Variants in CEP85 observed in about 807,000 individuals in gnomAD.
CEP85 encodes centrosomal protein 85, also known as centrosomal protein of 85 kDa.
CEP85 carries 58 observed loss-of-function variants against 93.7 expected under a neutral mutation model. The observed-to-expected ratio is 0.62, with a 90% CI of 0.50 to 0.77. The LOEUF (loss-of-function observed/expected upper bound fraction) is 0.77. Ranked by LOEUF, CEP85 falls within the 30% of genes least tolerant of loss-of-function variation. The probability of loss-of-function intolerance (pLI) is 0.00; values close to 1 mark genes in which losing one functional copy is unlikely to be tolerated. For synonymous variants in CEP85, 314 were observed against 338.6 expected (o/e 0.93, Z 0.80); for missense variants, 868 against 922.0 (o/e 0.94, Z 0.76).
At chr1:26,249,403 T>A (rs1322648439) in intron 3 of CEP85, among the ~76,000 whole-genome samples, 3 of 152,224 alleles carry the variant, frequency 2.0e-5, no homozygotes, top group Admixed American at 2.0e-4. Context: ...CTCTTACACA[T>A]TTTGTTCATG....
chr1:26,238,048 G>A (rs1013610068), intron 1 of CEP85, among the ~76,000 whole-genome samples: 1 of 150,978 alleles, frequency 6.6e-6, no homozygotes, highest in Non-Finnish European at 1.5e-5. Context: ...AATTAATAAG[G>A]GTTTGGGTTG....
chr1:26,240,762 G>T (rs893111912), intron 2 of CEP85, among the ~76,000 whole-genome samples: 7 of 152,134 alleles, frequency 4.6e-5, no homozygotes, highest in Non-Finnish European at 1.0e-4. Flanking sequence ...GGGTGCAGTG[G>T]CATGTGCCTA....
intron 7 of CEP85, among the ~76,000 whole-genome samples, chr1:26,265,066 C>G (rs2089873706): frequency 6.7e-6 from 1 of 150,142 alleles, no homozygotes; most frequent in Non-Finnish European, 1.5e-5. Flanking sequence ...CCACTGCAGC[C>G]TCCATCTCCC....
chr1:26,277,225 G>A lies in CEP85; in HGVS notation c.2218G>A (p.Glu740Lys), dbSNP rs1330951638. 6.2e-7 allele frequency: 1 copy of A among 1,614,048 alleles called. No homozygotes were observed. The highest frequency in any genetic ancestry group is 8.5e-7 in the Non-Finnish European group (1 of 1,179,998). The change falls in exon 14 of 14, where the codon GAG becomes AAG. Residue 740 changes from glutamate (E) to lysine (K), a missense_variant. Transcript: ENST00000451429. ...EEVQQLRRDI[E>K]DLRTTMSDRY... Reference sequence around the variant, plus strand: ...GGTTCAACAGCTGCGTCGTGACATTGAGGACTTAAGGACCACCATGTCAGA... The same window carrying A: ...GGTTCAACAGCTGCGTCGTGACATTAAGGACTTAAGGACCACCATGTCAGA...
chr1:26,255,981 T>A, intron 4 of CEP85, 116 bp downstream of exon 4: 1 of 894,644 alleles, frequency 1.1e-6, no homozygotes, highest in Non-Finnish European at 1.7e-6. Context: ...AAGGAAGATG[T>A]TTGTAGACAG....
At chr1:26,276,323 T>C (rs1191307497) in intron 12 of CEP85, among the ~76,000 whole-genome samples, 1 of 152,190 alleles carries the variant, frequency 6.6e-6, no homozygotes, top group Non-Finnish European at 1.5e-5. Context: ...TCTCCAGTGC[T>C]AGAGCCCTGT....
At chr1:26,276,240 G>A (rs1023271779) in intron 12 of CEP85, among the ~76,000 whole-genome samples, 9 of 152,290 alleles carry the variant, frequency 5.9e-5, no homozygotes, top group Admixed American at 2.0e-4. Flanking sequence ...TCCTAGGGGC[G>A]GGAGCATCTT....
chr1:26,238,816 T>C (rs959652782), intron 1 of CEP85, among the ~76,000 whole-genome samples: 1 of 152,254 alleles, frequency 6.6e-6, no homozygotes, highest in Admixed American at 6.5e-5. Flanking sequence ...CAAATCCACT[T>C]CTGCTGAATT....
chr1:26,267,667 A>G (rs1440255721), intron 7 of CEP85, among the ~76,000 whole-genome samples: 1 of 152,236 alleles, frequency 6.6e-6, no homozygotes, highest in African/African-American at 2.4e-5. Flanking sequence ...TTGTGGAATA[A>G]GAGCATGTAA....
intron 11 of CEP85, 111 bp from the exon 12 acceptor site, chr1:26,274,853 G>C (rs1000732938): frequency 1.3e-6 from 1 of 750,014 alleles, no homozygotes; most frequent in Admixed American, 2.6e-5. Flanking sequence ...TTTCTTATGA[G>C]GGTGTAGGTA....
intron 4 of CEP85, among the ~76,000 whole-genome samples, chr1:26,256,600 C>CTTTCT (rs1553159906): frequency 4.7e-5 from 6 of 127,130 alleles, no homozygotes; most frequent in Non-Finnish European, 5.1e-5. Flanking sequence ...TTTGTATTTT[C>CTTTCT]TTTTTTTTTT....
intron 7 of CEP85, among the ~76,000 whole-genome samples, chr1:26,262,080 G>T (rs1005246375): frequency 2.0e-5 from 3 of 152,108 alleles, no homozygotes; most frequent in African/African-American, 7.2e-5. Flanking sequence ...GGCTGAGGAG[G>T]GCAGATCACA....
At chr1:26,257,035 A>G (rs1017024357) in intron 4 of CEP85, among the ~76,000 whole-genome samples, 3 of 150,118 alleles carry the variant, frequency 2.0e-5, no homozygotes, top group African/African-American at 7.4e-5. Flanking sequence ...GGTTCAAGCA[A>G]TTTTCCTGCC....
chr1:26,243,250 C>T (rs2089456467), intron 2 of CEP85, among the ~76,000 whole-genome samples: 1 of 151,124 alleles, frequency 6.6e-6, no homozygotes, highest in Admixed American at 6.6e-5. Context: ...GACTGGACTG[C>T]TTGTTGCCCT....
At chr1:26,235,708 G>A (rs1397278173) in intron 1 of CEP85, among the ~76,000 whole-genome samples, 2 of 151,952 alleles carry the variant, frequency 1.3e-5, no homozygotes, top group African/African-American at 4.8e-5. Flanking sequence ...GAGTAGCTGG[G>A]ATTACAGGCA....
At chr1:26,234,522 C>A (rs1228651924) in intron 1 of CEP85, among the ~76,000 whole-genome samples, 1 of 152,252 alleles carries the variant, frequency 6.6e-6, no homozygotes, top group East Asian at 1.9e-4. Context: ...CTTTGCCGTC[C>A]GTGGTTCACC....
intron 10 of CEP85, 110 bp downstream of exon 10, chr1:26,271,217 A>T: frequency 1.6e-6 from 1 of 636,696 alleles, no homozygotes; most frequent in South Asian, 1.9e-5. Flanking sequence ...AGGATTTGTT[A>T]CCAAGAGCTT....
chr1:26,250,925 C>CCTTTT (rs2089598435), intron 3 of CEP85, among the ~76,000 whole-genome samples: 46 of 55,124 alleles, frequency 8.3e-4, no homozygotes, highest in African/African-American at 2.6e-3. Context: ...TTTTTTTTTT[C>CCTTTT]TTTTTTCTTT....
rs997525506 is a variant in CEP85, at chr1:26,261,018, T to A, written c.1341+1216T>A. ...GTTGGCCAGGCTGGTCTCGAACTCC[T>A]GACCTCAGGTGATCCACCCACCTCA... On this transcript the variant is annotated intron_variant, in intron 7 of 13. Transcript: ENST00000451429. 1.1e-4 allele frequency among the ~76,000 whole-genome samples: 16 copies of A among 151,118 alleles called. No homozygotes were observed. The East Asian group carries it at 2.0e-3, about 19-fold the overall frequency.
Sources: gnomAD v4.1 joint callset for allele counts (sites outside exome capture counted in the v4.1 genomes callset) on GRCh38, gnomAD v4.1.1 for gene constraint, MANE v1.5 for transcripts, NCBI Gene and HGNC (gene_info 2026-07-23, HGNC 2026-07-21) for gene names.